NLGN1: variants seen among roughly 807,000 people sequenced by gnomAD.
The protein encoded by NLGN1 is neuroligin 1, also known as neuroligin-1.
In NLGN1, 12 loss-of-function variants were observed where a neutral mutation model predicts 65.5. That is an observed-to-expected ratio of 0.18 (90% CI 0.12 to 0.30). NLGN1 has a LOEUF of 0.30. NLGN1 is among the 10% of genes least tolerant of loss of function. NLGN1 has a pLI of 1.00. For synonymous variants in NLGN1, 350 were observed against 359.5 expected (o/e 0.97, Z 0.30); for missense variants, 750 against 1,007.1 (o/e 0.74, Z 3.46).
chr3:173,852,655 A>G (rs997774872), intron 4 of NLGN1, among the ~76,000 whole-genome samples: 25 of 152,334 alleles, frequency 1.6e-4, no homozygotes, highest in Non-Finnish European at 2.8e-4. Context: ...AAATTATTTT[A>G]TAACATATTG....
At chr3:173,633,036 A>G (rs946923429) in intron 3 of NLGN1, among the ~76,000 whole-genome samples, 2 of 151,974 alleles carry the variant, frequency 1.3e-5, no homozygotes, top group Admixed American at 1.3e-4. Flanking sequence ...GTTGTGTAAA[A>G]AAGATTAGTG....
At chr3:173,979,037 A>C (rs536854306) in intron 4 of NLGN1, among the ~76,000 whole-genome samples, 1 of 151,800 alleles carries the variant, frequency 6.6e-6, no homozygotes, top group Admixed American at 6.6e-5. Context: ...AATGAGTAAA[A>C]TATCTATTTT....
intron 4 of NLGN1, among the ~76,000 whole-genome samples, chr3:174,019,628 G>A (rs115305479): frequency 6.6e-6 from 1 of 152,130 alleles, no homozygotes; most frequent in Non-Finnish European, 1.5e-5. Flanking sequence ...TAGAGAGAAA[G>A]ACACCAACAT....
At chr3:173,648,772 A>G (rs956912683) in intron 3 of NLGN1, among the ~76,000 whole-genome samples, 2 of 151,942 alleles carry the variant, frequency 1.3e-5, no homozygotes, top group South Asian at 2.1e-4. Context: ...ATGGGATTTC[A>G]CCACGTTGGT....
In NLGN1 at chr3:173,667,911, G is replaced by A. The variant is rs137949028; in HGVS notation, c.493+62820G>A. On this transcript the variant is annotated intron_variant, in intron 3 of 6. Transcript: ENST00000457714. ...TTCCCAAAGTGCTGGGATTACAAGC[G>A]TGAGCCACCATGCCAGACCCCATTT... Among the ~76,000 whole-genome samples, 303 of 152,254 alleles carry A rather than the reference G, an allele frequency of 2.0e-3. 4 individuals are homozygous for A. Among genetic ancestry groups the A allele is most frequent in the African/African-American group, 7.0e-3 (289 of 41,546 alleles).
At chr3:173,548,139 C>G (rs2149255118) in intron 2 of NLGN1, among the ~76,000 whole-genome samples, 1 of 152,194 alleles carries the variant, frequency 6.6e-6, no homozygotes, top group Non-Finnish European at 1.5e-5. Context: ...CCTACCAAAA[C>G]CAAACACTTT....
intron 2 of NLGN1, among the ~76,000 whole-genome samples, chr3:173,490,659 CATTGAATCTATAA>C (rs1181800517): frequency 6.6e-5 from 10 of 152,126 alleles, no homozygotes; most frequent in Admixed American, 5.9e-4. Flanking sequence ...ATGGAGATGG[CATTGAATCTATAA>C]ATTACCTTGG....
At chr3:173,989,932 C>T (rs903499307) in intron 4 of NLGN1, among the ~76,000 whole-genome samples, 2 of 152,136 alleles carry the variant, frequency 1.3e-5, no homozygotes, top group African/African-American at 4.8e-5. Flanking sequence ...CAGTTTACTT[C>T]TCTGTGGGCA....
At chr3:174,227,728 T>C (rs1577457186) in intron 4 of NLGN1, among the ~76,000 whole-genome samples, 1 of 152,082 alleles carries the variant, frequency 6.6e-6, no homozygotes, top group East Asian at 1.9e-4. Flanking sequence ...TCACCTAGAT[T>C]TCCAAAAATC....
chr3:174,211,776 A>C (rs138913416), intron 4 of NLGN1, among the ~76,000 whole-genome samples: 1,029 of 151,262 alleles, frequency 6.8e-3, no homozygotes, highest in East Asian at 0.026. Context: ...GAGCAGCTAG[A>C]TACAGAGTGT....
intron 2 of NLGN1, among the ~76,000 whole-genome samples, chr3:173,514,716 A>G (rs1733547230): frequency 6.6e-6 from 1 of 152,110 alleles, no homozygotes; most frequent in Non-Finnish European, 1.5e-5. Context: ...GCCCCCTTGA[A>G]TCTGATAATT....
At chr3:173,823,920 A>T (rs1008085142) in intron 4 of NLGN1, among the ~76,000 whole-genome samples, 5 of 15,516 alleles carry the variant, frequency 3.2e-4, no homozygotes, top group African/African-American at 7.0e-4. Context: ...TTGTTAATTT[A>T]AAAAAAAAAA....
At chr3:173,807,859 A>G (rs748941012) in intron 4 of NLGN1, 27 bp downstream of exon 4, 1 of 1,602,018 alleles carries the variant, frequency 6.2e-7, no homozygotes, top group Non-Finnish European at 8.6e-7. Flanking sequence ...TTTTGTTTTC[A>G]CCATGAATCC....
intron 4 of NLGN1, among the ~76,000 whole-genome samples, chr3:174,241,250 C>G (rs1360317580): frequency 6.6e-6 from 1 of 151,926 alleles, no homozygotes; most frequent in East Asian, 1.9e-4. Flanking sequence ...TAACCGGAGT[C>G]ATTGTTTTTT....
intron 1 of NLGN1, among the ~76,000 whole-genome samples, chr3:173,424,508 A>G (rs1715730571): frequency 6.6e-6 from 1 of 152,206 alleles, no homozygotes; most frequent in Non-Finnish European, 1.5e-5. Flanking sequence ...ATATAACTGA[A>G]AGCTTTCAGA....
intron 3 of NLGN1, among the ~76,000 whole-genome samples, chr3:173,708,286 C>A (rs1054802460): frequency 6.6e-6 from 1 of 152,152 alleles, no homozygotes; most frequent in Non-Finnish European, 1.5e-5. Context: ...CCCTTGGACT[C>A]CTGCATCCGA....
intron 3 of NLGN1, among the ~76,000 whole-genome samples, chr3:173,806,834 C>T (rs548029379): frequency 2.6e-5 from 4 of 152,000 alleles, no homozygotes; most frequent in Non-Finnish European, 5.9e-5. Flanking sequence ...CTGTAGAAAT[C>T]ACTTGAACCC....
intron 3 of NLGN1, among the ~76,000 whole-genome samples, chr3:173,692,823 C>T (rs1381773540): frequency 2.0e-5 from 3 of 152,084 alleles, no homozygotes; most frequent in African/African-American, 7.2e-5. Flanking sequence ...AGAATAGTCT[C>T]TGTGAACAGG....
At position 173,483,675 on chromosome 3, in the gene NLGN1, A is replaced by G. The variant is rs1454267547; in HGVS notation, c.-321+48597A>G. On this transcript the variant is annotated intron_variant, in intron 2 of 6. Transcript: ENST00000457714. The stretch of plus-strand genomic sequence containing the variant: ...TCTTAAGAAGTTGTTCCACTTGGAG[A>G]AAAAAGATTTGCTGATACATGTATG... 2.0e-5 allele frequency among the ~76,000 whole-genome samples: 3 copies of G among 152,100 alleles called. No homozygotes were observed. In the East Asian group the frequency reaches 5.8e-4, roughly 29 times the overall value.
Sources: allele counts gnomAD v4.1 joint callset (sites outside exome capture counted in the v4.1 genomes callset), GRCh38; gene constraint gnomAD v4.1.1; transcripts MANE v1.5; gene names NCBI Gene and HGNC (gene_info 2026-07-23, HGNC 2026-07-21).